The following RFX4 variants were observed in gnomAD, a reference collection of about 807,000 sequenced individuals.
The protein encoded by RFX4 is transcription factor RFX4.
A neutral mutation model predicts 95.0 loss-of-function variants in RFX4; 10 were observed. The ratio of observed to expected loss-of-function variants is 0.11; its 90% CI spans 0.06 to 0.18. The LOEUF is 0.18. Ranked by LOEUF, RFX4 falls within the 10% of genes least tolerant of loss-of-function variation. The probability of loss-of-function intolerance (pLI) is 1.00; values close to 1 mark genes in which losing one functional copy is unlikely to be tolerated. For synonymous variants in RFX4, 321 were observed against 340.7 expected, an observed-to-expected ratio of 0.94 and a Z score of 0.64; for missense variants, 640 against 922.0, an observed-to-expected ratio of 0.69 and a Z score of 3.96.
At chr12:106,611,808 C>A (rs1359221524) in intron 2 of RFX4, among the ~76,000 whole-genome samples, 1 of 152,076 alleles carries the variant, frequency 6.6e-6, no homozygotes, top group African/African-American at 2.4e-5. Flanking sequence ...ACTGTGCCTG[C>A]TGTAGTCCAG....
intron 17 of RFX4, among the ~76,000 whole-genome samples, chr12:106,754,762 G>T (rs2043078469): frequency 6.6e-6 from 1 of 152,176 alleles, no homozygotes; most frequent in African/African-American, 2.4e-5. Context: ...ATCCAGACAA[G>T]GTGTGAGAGT....
At chr12:106,753,188 C>T (rs2043041254) in intron 17 of RFX4, among the ~76,000 whole-genome samples, 2 of 152,144 alleles carry the variant, frequency 1.3e-5, no homozygotes, top group South Asian at 2.1e-4. Context: ...TTCTGGCCTA[C>T]TCACAAACTC....
At chr12:106,639,718 TC>T (rs2040580834) in intron 3 of RFX4, among the ~76,000 whole-genome samples, 1 of 152,248 alleles carries the variant, frequency 6.6e-6, no homozygotes, top group Non-Finnish European at 1.5e-5. Flanking sequence ...GTCTGTTGAC[TC>T]TTACCAATGA....
intron 16 of RFX4, 90 bp from the exon 17 acceptor site, chr12:106,750,565 G>A: frequency 7.9e-7 from 1 of 1,261,390 alleles, no homozygotes; most frequent in South Asian, 2.4e-5. Context: ...GAAGAAAAAG[G>A]AAAAAAAATA....
chr12:106,585,226 C>A (rs2039438040), intron 1 of RFX4, among the ~76,000 whole-genome samples: 1 of 152,190 alleles, frequency 6.6e-6, no homozygotes, highest in African/African-American at 2.4e-5. Context: ...CAGGGCCAGG[C>A]CCCTCGGTAC....
intron 8 of RFX4, among the ~76,000 whole-genome samples, chr12:106,707,305 G>A (rs564974714): frequency 3.3e-5 from 5 of 152,264 alleles, no homozygotes; most frequent in South Asian, 4.2e-4. Context: ...TGGGCCGGAG[G>A]TGCAAAAGTT....
chr12:106,645,359 C>A (rs2040724102), intron 3 of RFX4, among the ~76,000 whole-genome samples: 1 of 151,480 alleles, frequency 6.6e-6, no homozygotes, highest in African/African-American at 2.4e-5. Flanking sequence ...CCGTGCCCCG[C>A]CCTCGCCCGC....
At chr12:106,667,087 G>A (rs2041192397) in intron 4 of RFX4, among the ~76,000 whole-genome samples, 1 of 152,118 alleles carries the variant, frequency 6.6e-6, no homozygotes, top group Non-Finnish European at 1.5e-5. Flanking sequence ...CAATCCTTTA[G>A]TAAGCCTATG....
intron 8 of RFX4, among the ~76,000 whole-genome samples, chr12:106,704,829 ATG>A (rs879890362): frequency 2.0e-5 from 3 of 151,668 alleles, no homozygotes; most frequent in African/African-American, 7.3e-5. Flanking sequence ...GTGTGTGTGC[ATG>A]TGTGTGTGTG....
At chr12:106,600,865 C>T (rs1176254970) in intron 1 of RFX4, among the ~76,000 whole-genome samples, 2 of 152,156 alleles carry the variant, frequency 1.3e-5, no homozygotes, top group Non-Finnish European at 2.9e-5. Flanking sequence ...CAAAAAGCAC[C>T]CCCACCTCTC....
intron 4 of RFX4, among the ~76,000 whole-genome samples, chr12:106,655,217 C>T (rs1314867481): frequency 1.3e-5 from 2 of 152,102 alleles, no homozygotes; most frequent in African/African-American, 4.8e-5. Context: ...AGCCAGCCAC[C>T]CTGGAGAGCC....
intron 4 of RFX4, among the ~76,000 whole-genome samples, chr12:106,674,893 T>C (rs1592924467): frequency 6.6e-6 from 1 of 152,188 alleles, no homozygotes; most frequent in Non-Finnish European, 1.5e-5. Flanking sequence ...ATTATGGTTA[T>C]TGAGGCTGCA....
At chr12:106,732,056 T>C in intron 13 of RFX4, 74 bp from the exon 14 acceptor site, 12 of 1,578,956 alleles carry the variant, frequency 7.6e-6, no homozygotes, top group Non-Finnish European at 1.0e-5. Context: ...GTGTAACTTG[T>C]GCAGTTGACC....
At chr12:106,652,977 C>A (rs2040884232) in intron 3 of RFX4, among the ~76,000 whole-genome samples, 2 of 152,108 alleles carry the variant, frequency 1.3e-5, no homozygotes, top group Admixed American at 6.5e-5. Flanking sequence ...CACTTTATCC[C>A]CCAAACTTGC....
chr12:106,583,909 G>A (rs910213536), intron 1 of RFX4, among the ~76,000 whole-genome samples: 2 of 152,232 alleles, frequency 1.3e-5, no homozygotes, highest in East Asian at 1.9e-4. Context: ...CGGCGAACCC[G>A]GTGGTCCGGG....
intron 14 of RFX4, among the ~76,000 whole-genome samples, chr12:106,732,470 C>G (rs1026925518): frequency 6.6e-6 from 1 of 152,052 alleles, no homozygotes; most frequent in Non-Finnish European, 1.5e-5. Context: ...GAGGCCAAGG[C>G]GGGCAGCTCA....
intron 3 of RFX4, among the ~76,000 whole-genome samples, chr12:106,642,605 C>A (rs1404400771): frequency 6.6e-6 from 1 of 152,022 alleles, no homozygotes; most frequent in Non-Finnish European, 1.5e-5. Flanking sequence ...CAGAGCAAGA[C>A]CCTGTCTCTA....
intron 4 of RFX4, among the ~76,000 whole-genome samples, chr12:106,677,027 C>T (rs1352368660): frequency 6.6e-6 from 1 of 152,122 alleles, no homozygotes; most frequent in East Asian, 1.9e-4. Context: ...CCTCTCTAAA[C>T]CTCACTTTAC....
intron 2 of RFX4, among the ~76,000 whole-genome samples, chr12:106,619,213 T>G (rs570636719): frequency 5.3e-5 from 8 of 152,306 alleles, no homozygotes; most frequent in Admixed American, 3.9e-4. Flanking sequence ...CATGCTTCCA[T>G]CTGGAATCAT....
Sources: gnomAD v4.1 joint callset for allele counts (sites outside exome capture counted in the v4.1 genomes callset) on GRCh38, gnomAD v4.1.1 for gene constraint, MANE v1.5 for transcripts, NCBI Gene and HGNC (gene_info 2026-07-23, HGNC 2026-07-21) for gene names.